CYTH3: variants seen among roughly 807,000 people sequenced by gnomAD.
CYTH3 encodes cytohesin-3.
In CYTH3, 23 loss-of-function variants were observed where a neutral mutation model predicts 55.1. The observed-to-expected ratio is 0.42, with a 90% confidence interval of 0.30 to 0.59. The LOEUF (loss-of-function observed/expected upper bound fraction) is 0.59, where lower values mean the gene tolerates loss of function less well. Among genes scored for constraint, CYTH3 ranks in the 20% least tolerant of loss-of-function variants. The pLI is 0.20. For missense variants in CYTH3, 413 were observed against 524.8 expected (o/e 0.79, Z 2.08); for synonymous variants, 249 against 194.9 (o/e 1.28, Z -2.31).
rs762012393 is a variant in CYTH3, at chr7:6,171,030, G to A, written c.563-52C>T. 1.2e-6 allele frequency: 2 copies of A among 1,607,198 alleles called. No homozygotes were observed. Among genetic ancestry groups the A allele is most frequent in the Admixed American group, 3.4e-5 (2 of 59,574 alleles). ...CAGCCAGAACCTCCAGTGGACAGTGGGACCCCGCGTGCTGGGGGCCCGCCT... is the reference window on the plus strand; with the variant it reads ...CAGCCAGAACCTCCAGTGGACAGTGAGACCCCGCGTGCTGGGGGCCCGCCT... On this transcript the variant is annotated intron_variant, in intron 7 of 12. Transcript: ENST00000350796. This position sits in a 1 kb window ranked among gnomAD's most constrained non-coding sequence, Gnocchi z 6.7.
At chr7:6,210,224 A>C (rs894365246) in intron 1 of CYTH3, among the ~76,000 whole-genome samples, 5 of 152,246 alleles carry the variant, frequency 3.3e-5, no homozygotes, top group Admixed American at 6.5e-5. Context: ...TGGGAACTCT[A>C]TACTGTCAGC....
intron 6 of CYTH3, 36 bp downstream of exon 6, chr7:6,173,617 C>G (rs1244397038): frequency 7.1e-7 from 1 of 1,411,742 alleles, no homozygotes; most frequent in Non-Finnish European, 1.0e-6. Flanking sequence ...CTGGCCTTCC[C>G]CATCCACTCT....
At chr7:6,259,780 ATATAAT>A (rs1780264694) in intron 1 of CYTH3, among the ~76,000 whole-genome samples, 4 of 22,160 alleles carry the variant, frequency 1.8e-4, no homozygotes, top group Non-Finnish European at 2.3e-4. Flanking sequence ...TATTATATAT[ATATAAT>A]ATATATATAT....
chr7:6,263,257 G>C (rs1486628818), intron 1 of CYTH3, among the ~76,000 whole-genome samples: 1 of 152,146 alleles, frequency 6.6e-6, no homozygotes, highest in African/African-American at 2.4e-5. Context: ...TTACCCATGA[G>C]ATAGGTAAAT....
chr7:6,163,484 G>C lies in CYTH3; in HGVS notation c.*1460C>G, dbSNP rs937731387. ...CGCAAATCTCCCGACAGAGAACAGC[G>C]TCTGCCACCGGCCCGGGTCGGCCCA... is the stretch of plus-strand genomic sequence containing the variant. On this transcript the variant is annotated 3_prime_UTR_variant, in exon 13 of 13. Coordinates refer to ENST00000350796, the MANE Select transcript of CYTH3 (RefSeq NM_004227.4). 1.3e-5 allele frequency: 2 copies of C among 152,502 alleles called. No individual in the cohort carries two copies. The highest frequency in any genetic ancestry group is 2.9e-5 in the Non-Finnish European group (2 of 68,258). 9.4% of individuals were successfully genotyped at this position (152,502 alleles called of 1,614,324 possible). A position where few individuals can be genotyped will look rare whatever the true frequency, so the allele number is the denominator to read the frequency against.
At position 6,238,451 on chromosome 7, in the gene CYTH3, G is replaced by A. The variant is rs575050713; in HGVS notation, c.34+34023C>T. Among the ~76,000 whole-genome samples the A allele has an allele frequency of 2.0e-5, 3 of 152,274 alleles. No homozygotes were observed. In the East Asian group the frequency reaches 5.8e-4, roughly 29 times the overall value. On this transcript the variant is annotated intron_variant, in intron 1 of 12. Coordinates refer to ENST00000350796, the MANE Select transcript of CYTH3 (RefSeq NM_004227.4). ...TGAAGTTCAATAAAGACTAATGAAA[G>A]TACTATGCTTAGTAAAGTACACTAA... is the stretch of plus-strand genomic sequence containing the variant.
intron 1 of CYTH3, among the ~76,000 whole-genome samples, chr7:6,244,045 T>C (rs1779742291): frequency 6.6e-6 from 1 of 152,250 alleles, no homozygotes. Flanking sequence ...GTTTTAAACC[T>C]GTACTGGTAC....
chr7:6,227,522 C>T (rs1779287057), intron 1 of CYTH3, among the ~76,000 whole-genome samples: 1 of 152,098 alleles, frequency 6.6e-6, no homozygotes, highest in Non-Finnish European at 1.5e-5. Flanking sequence ...CTGGCAGAAA[C>T]CTACAACAAG....
At chr7:6,188,348 C>CA (rs968809069) in intron 2 of CYTH3, among the ~76,000 whole-genome samples, 20 of 140,928 alleles carry the variant, frequency 1.4e-4, no homozygotes, top group East Asian at 4.0e-4. Context: ...TTAAAAAAAA[C>CA]AAAAAAACAA....
intron 1 of CYTH3, among the ~76,000 whole-genome samples, chr7:6,200,642 G>A (rs922103891): frequency 4.6e-5 from 7 of 152,208 alleles, no homozygotes; most frequent in African/African-American, 1.4e-4. Context: ...CACTGGCAAA[G>A]CATGGGCTTT....
chr7:6,176,254 ATTTT>A (rs776819156), intron 5 of CYTH3, among the ~76,000 whole-genome samples: 3 of 82,866 alleles, frequency 3.6e-5, no homozygotes, highest in African/African-American at 1.1e-4. Context: ...AATACAATTG[ATTTT>A]TTTTTTTTTT....
Position 6,173,653 on chromosome 7 carries a change from C to T in CYTH3, c.449G>A (p.Arg150Lys). 3.7e-6 allele frequency: 6 copies of T among 1,603,806 alleles called. No homozygotes were observed. The highest frequency in any genetic ancestry group is 5.1e-6 in the Non-Finnish European group (6 of 1,170,770). ...ACACCCAGCAAATGATCATACTTAC[C>T]TTAAGGCTTGTACAAGGTTGAGATC... Reference protein sequence around the residue: ...FADLNLVQALRQFLWSFRLPG... With the variant: ...FADLNLVQALKQFLWSFRLPG... Residue 150 changes from arginine to lysine, a missense_variant and splice_region_variant, in exon 6 of 13, where the codon AGG becomes AAG. Physicochemically the swap from Arg to Lys is conservative, Grantham distance 26 (BLOSUM62 2). This residue lies in a region of CYTH3 where 156 missense variants were observed against 233.1 expected (regional missense o/e 0.67). Transcript: ENST00000350796.
At position 6,259,799 on chromosome 7, in the gene CYTH3, ATATATAT is replaced by A. The variant is rs1562417837; in HGVS notation, c.34+12668_34+12674del. Among the ~76,000 whole-genome samples the A allele has an allele frequency of 1.2e-3, 30 of 24,994 alleles. 1 individual carries two copies. The highest frequency in any genetic ancestry group is 1.6e-3 in the Non-Finnish European group (29 of 18,466). The allele number at this position is 24,994 out of a possible 152,430, so 16.4% of individuals were successfully genotyped here. A position where few individuals can be genotyped will look rare whatever the true frequency, so the allele number is the denominator to read the frequency against. On this transcript the variant is annotated intron_variant, in intron 1 of 12. Coordinates refer to ENST00000350796, the MANE Select transcript of CYTH3 (RefSeq NM_004227.4). Reference sequence around the variant, plus strand: ...ATATATATATAATATATATATATATATATATATATATATAATATATATATATATATAT... The same window carrying A: ...ATATATATATAATATATATATATATAATATATAATATATATATATATATAT...
chr7:6,179,787 CCA>C (rs1200727639), intron 4 of CYTH3, among the ~76,000 whole-genome samples: 3 of 121,344 alleles, frequency 2.5e-5, no homozygotes, highest in African/African-American at 6.8e-5. Flanking sequence ...ACACCACCTA[CCA>C]CACACACCCA....
intron 1 of CYTH3, among the ~76,000 whole-genome samples, chr7:6,267,012 G>A (rs1780513776): frequency 6.6e-6 from 1 of 152,216 alleles, no homozygotes; most frequent in African/African-American, 2.4e-5. Flanking sequence ...GATCCCTCAT[G>A]GCTCAGTGCT....
intron 1 of CYTH3, among the ~76,000 whole-genome samples, chr7:6,237,881 T>C (rs572470555): frequency 2.0e-5 from 3 of 152,274 alleles, no homozygotes; most frequent in African/African-American, 4.8e-5. Context: ...CTTCCAAGGA[T>C]AGCAGGAGTG....
intron 1 of CYTH3, among the ~76,000 whole-genome samples, chr7:6,223,835 CTA>C (rs1491154400): frequency 1.1e-4 from 2 of 18,030 alleles, no homozygotes; most frequent in African/African-American, 3.4e-4. Flanking sequence ...TCAATAAATA[CTA>C]AAAAAAAAAA....
chr7:6,242,375 ATT>A (rs10525625), intron 1 of CYTH3, among the ~76,000 whole-genome samples: 8,567 of 105,696 alleles, frequency 0.081, 816 homozygotes, highest in African/African-American at 0.23. Context: ...CGCGCCTGGC[ATT>A]TTTTTTTTTT....
chr7:6,198,243 T>C (rs780681601), intron 1 of CYTH3, among the ~76,000 whole-genome samples: 1 of 152,128 alleles, frequency 6.6e-6, no homozygotes, highest in Non-Finnish European at 1.5e-5. Context: ...ATAAAAGGCA[T>C]AGGAGTATGT....
Sources: allele counts gnomAD v4.1 joint callset (sites outside exome capture counted in the v4.1 genomes callset), GRCh38; gene constraint gnomAD v4.1.1; regional missense constraint gnomAD v4.1.1; non-coding constraint Gnocchi (gnomAD v3.1); transcripts MANE v1.5; gene names NCBI Gene and HGNC (gene_info 2026-07-23, HGNC 2026-07-21).